SCGN: variants seen among roughly 807,000 people sequenced by gnomAD.
SCGN encodes the protein secretagogin.
A neutral mutation model predicts 39.7 loss-of-function variants in SCGN; 30 were observed. That is an observed-to-expected ratio of 0.76 (90% CI 0.57 to 1.03). The LOEUF is 1.03. SCGN is among the 50% of genes least tolerant of loss of function. SCGN has a pLI of 0.00. For synonymous variants in SCGN, 106 were observed against 114.1 expected (o/e 0.93, Z 0.45); for missense variants, 353 against 349.4 (o/e 1.01, Z -0.08).
At chr6:25,689,929 A>C (rs997686732) in intron 9 of SCGN, among the ~76,000 whole-genome samples, 1 of 152,202 alleles carries the variant, frequency 6.6e-6, no homozygotes, top group African/African-American at 2.4e-5. Flanking sequence ...TTGTAGAACC[A>C]ATTATTTGAT....
At chr6:25,667,230 G>A (rs1760438311) in intron 4 of SCGN, among the ~76,000 whole-genome samples, 1 of 152,068 alleles carries the variant, frequency 6.6e-6, no homozygotes, top group South Asian at 2.1e-4. Context: ...TGAGAAGTGG[G>A]AAAATCACAT....
intron 4 of SCGN, 94 bp from the exon 5 acceptor site, chr6:25,669,417 A>T: frequency 9.1e-7 from 1 of 1,100,176 alleles, no homozygotes; most frequent in Non-Finnish European, 1.4e-6. Context: ...CATTCAGTTA[A>T]GTACTGTTTT....
intron 4 of SCGN, 66 bp downstream of exon 4, chr6:25,665,098 G>T: frequency 8.1e-7 from 1 of 1,230,400 alleles, no homozygotes. Context: ...TTAGCCACCT[G>T]CTGTGGCTGC....
chr6:25,668,575 A>G (rs1015509118), intron 4 of SCGN, among the ~76,000 whole-genome samples: 2 of 152,112 alleles, frequency 1.3e-5, no homozygotes, highest in African/African-American at 4.8e-5. Flanking sequence ...TTTAGTTTTG[A>G]AGTTTTAGTT....
At chr6:25,658,735 A>G (rs1760280357) in intron 2 of SCGN, among the ~76,000 whole-genome samples, 1 of 152,232 alleles carries the variant, frequency 6.6e-6, no homozygotes, top group African/African-American at 2.4e-5. Flanking sequence ...TATACAAACC[A>G]TTAATTCATT....
chr6:25,673,782 TTG>T (rs1356627126), intron 6 of SCGN, among the ~76,000 whole-genome samples: 2 of 152,206 alleles, frequency 1.3e-5, no homozygotes, highest in African/African-American at 4.8e-5. Context: ...TAGGCCATTC[TTG>T]TGTTACTATA....
In SCGN at chr6:25,652,342, G is replaced by GAA; in HGVS notation, c.-61_-60insAA. 8.7e-7 allele frequency: 1 copy of GAA among 1,155,526 alleles called. No homozygotes were observed. Among genetic ancestry groups the GAA allele is most frequent in the Non-Finnish European group, 1.3e-6 (1 of 793,210 alleles). 71.6% of individuals were successfully genotyped at this position (1,155,526 alleles called of 1,614,324 possible). On this transcript the variant is annotated 5_prime_UTR_variant, in exon 1 of 11. Coordinates refer to ENST00000377961, the MANE Select transcript of SCGN (RefSeq NM_006998.4). ...GAGCAAGTCAAGAAATACGGTGAAGGAGTCCTTCCCAAAGTTGTCTAGGTC... is the reference window on the plus strand; with the variant it reads ...GAGCAAGTCAAGAAATACGGTGAAGGAAAGTCCTTCCCAAAGTTGTCTAGGTC...
chr6:25,666,156 A>C (rs1465736168), intron 4 of SCGN, among the ~76,000 whole-genome samples: 1 of 148,494 alleles, frequency 6.7e-6, no homozygotes, highest in Non-Finnish European at 1.5e-5. Context: ...CCTGGCCAAC[A>C]CTGTGAAACC....
At chr6:25,674,912 T>C (rs1759545502) in intron 6 of SCGN, among the ~76,000 whole-genome samples, 2 of 152,240 alleles carry the variant, frequency 1.3e-5, no homozygotes, top group African/African-American at 2.4e-5. Flanking sequence ...ATATTTACTT[T>C]TGTTAAATTT....
intron 7 of SCGN, among the ~76,000 whole-genome samples, chr6:25,688,456 A>C (rs187544574): frequency 9.9e-5 from 15 of 152,248 alleles, no homozygotes; most frequent in African/African-American, 3.4e-4. Flanking sequence ...GGCTCTGTGT[A>C]TGTGTTAGGG....
intron 2 of SCGN, among the ~76,000 whole-genome samples, chr6:25,654,027 G>A (rs1760180793): frequency 6.6e-6 from 1 of 152,122 alleles, no homozygotes; most frequent in Non-Finnish European, 1.5e-5. Context: ...ATGTCCTTGG[G>A]AGATGTAAAT....
chr6:25,689,368 A>G, intron 8 of SCGN, 105 bp from the exon 9 acceptor site: 7 of 1,205,960 alleles, frequency 5.8e-6, no homozygotes, highest in Non-Finnish European at 8.5e-6. Flanking sequence ...AGGGATCTTA[A>G]AGGTCATTGA....
At chr6:25,665,970 T>C (rs922232214) in intron 4 of SCGN, among the ~76,000 whole-genome samples, 1 of 152,106 alleles carries the variant, frequency 6.6e-6, no homozygotes, top group African/African-American at 2.4e-5. Context: ...TGGAAAGTAA[T>C]TTTGGAAAAA....
intron 6 of SCGN, among the ~76,000 whole-genome samples, chr6:25,676,497 T>C (rs1759564481): frequency 6.6e-6 from 1 of 152,238 alleles, no homozygotes; most frequent in African/African-American, 2.4e-5. Context: ...CATGCATGTA[T>C]GTGCTGCCAC....
intron 6 of SCGN, among the ~76,000 whole-genome samples, chr6:25,680,301 T>C (rs540175295): frequency 6.1e-4 from 93 of 152,316 alleles, no homozygotes; most frequent in African/African-American, 2.2e-3. Context: ...ATTATTAATA[T>C]TTGAACTTAG....
rs912132920 is a variant in SCGN at position 25,652,254 on chromosome 6, C to A, written c.-150C>A. The stretch of plus-strand genomic sequence containing the variant: ...GACGGCTCAGCGACGCCACGGCCAG[C>A]AGCGCTCGCGTCCTCCCCAGCAACA... On this transcript the variant is annotated 5_prime_UTR_variant, in exon 1 of 11. Transcript: ENST00000377961. The A allele has an allele frequency of 2.4e-5, 16 of 654,000 alleles. No homozygotes were observed. Among genetic ancestry groups the A allele is most frequent in the African/African-American group, 9.1e-5 (5 of 55,086 alleles). 40.5% of individuals were successfully genotyped at this position (654,000 alleles called of 1,614,324 possible).
At chr6:25,680,730 G>C (rs533164962) in intron 6 of SCGN, among the ~76,000 whole-genome samples, 1 of 152,140 alleles carries the variant, frequency 6.6e-6, no homozygotes, top group Non-Finnish European at 1.5e-5. Flanking sequence ...ATACTGTATA[G>C]TGTTTATGTT....
intron 7 of SCGN, among the ~76,000 whole-genome samples, chr6:25,686,218 C>A (rs1759703622): frequency 6.6e-6 from 1 of 152,064 alleles, no homozygotes; most frequent in Admixed American, 6.5e-5. Context: ...TTGTGATTCT[C>A]TTGGTTATAT....
At chr6:25,657,098 A>T (rs1760239679) in intron 2 of SCGN, among the ~76,000 whole-genome samples, 1 of 152,166 alleles carries the variant, frequency 6.6e-6, no homozygotes, top group Non-Finnish European at 1.5e-5. Flanking sequence ...GCACACACAA[A>T]ATCTTTAGTG....
Sources: gnomAD v4.1 joint callset for allele counts (sites outside exome capture counted in the v4.1 genomes callset) on GRCh38, gnomAD v4.1.1 for gene constraint, MANE v1.5 for transcripts, NCBI Gene and HGNC (gene_info 2026-07-23, HGNC 2026-07-21) for gene names.